The following KCTD8 variants were observed in gnomAD, a reference collection of about 807,000 sequenced individuals.
KCTD8 encodes BTB/POZ domain-containing protein KCTD8.
In KCTD8, 27 loss-of-function variants were observed where a neutral mutation model predicts 31.5. The observed-to-expected ratio is 0.86, with a 90% CI of 0.63 to 1.18. The LOEUF (loss-of-function observed/expected upper bound fraction) is 1.18. Among genes scored for constraint, KCTD8 ranks in the 50% most tolerant of loss-of-function variants. The pLI is 0.00. For missense variants in KCTD8, 658 were observed against 647.7 expected, an observed-to-expected ratio of 1.02 and a Z score of -0.17; for synonymous variants, 290 against 280.0, an observed-to-expected ratio of 1.04 and a Z score of -0.36.
intron 1 of KCTD8, among the ~76,000 whole-genome samples, chr4:44,407,623 T>G (rs1321708648): frequency 6.6e-6 from 1 of 152,092 alleles, no homozygotes; most frequent in East Asian, 1.9e-4. Context: ...CGACCTCAGA[T>G]GATCCACCCG....
intron 1 of KCTD8, among the ~76,000 whole-genome samples, chr4:44,218,771 TA>T (rs1207184813): frequency 6.6e-6 from 1 of 152,074 alleles, no homozygotes; most frequent in Non-Finnish European, 1.5e-5. Context: ...AGCCTAGTTA[TA>T]CAAGAATTAG....
At chr4:44,209,035 T>C (rs1399723416) in intron 1 of KCTD8, among the ~76,000 whole-genome samples, 1 of 152,158 alleles carries the variant, frequency 6.6e-6, no homozygotes, top group Non-Finnish European at 1.5e-5. Context: ...AGAAATGTTA[T>C]GTATTTCTGT....
intron 1 of KCTD8, among the ~76,000 whole-genome samples, chr4:44,229,683 C>T (rs1026510989): frequency 6.6e-6 from 1 of 151,780 alleles, no homozygotes; most frequent in Non-Finnish European, 1.5e-5. Flanking sequence ...TTCCTGTTCT[C>T]TTGTTCTAAA....
intron 1 of KCTD8, among the ~76,000 whole-genome samples, chr4:44,330,136 G>T (rs1018758017): frequency 6.6e-6 from 1 of 151,688 alleles, no homozygotes; most frequent in Non-Finnish European, 1.5e-5. Context: ...CACATTTCAG[G>T]TTAGATACGT....
At chr4:44,377,462 C>T (rs1004269898) in intron 1 of KCTD8, among the ~76,000 whole-genome samples, 2 of 152,172 alleles carry the variant, frequency 1.3e-5, no homozygotes, top group Non-Finnish European at 2.9e-5. Flanking sequence ...AAGGCCATTT[C>T]TGGGGGGTAG....
At chr4:44,318,090 A>G (rs1232643327) in intron 1 of KCTD8, among the ~76,000 whole-genome samples, 2 of 152,176 alleles carry the variant, frequency 1.3e-5, no homozygotes, top group Admixed American at 1.3e-4. Flanking sequence ...ATCTGGTATC[A>G]TTTGCTCCAA....
At position 44,448,568 on chromosome 4, in the gene KCTD8, C is replaced by G. The variant is rs767232479; in HGVS notation, c.-45G>C. 2.9e-6 allele frequency: 4 copies of G among 1,399,958 alleles called. No homozygotes were observed. In the East Asian group the frequency reaches 8.2e-5, roughly 29 times the overall value. The allele number at this position is 1,399,958 out of a possible 1,614,324, so 86.7% of individuals were successfully genotyped here. ...CAGTGACCCGAGAGAGCTGCACTTT[C>G]TCGTTCCCGGAGCCCGCGCCCCAGC... On this transcript the variant is annotated 5_prime_UTR_variant, in exon 1 of 2. Coordinates refer to ENST00000360029, the MANE Select transcript of KCTD8 (RefSeq NM_198353.3). This position sits in a 1 kb window ranked among gnomAD's most constrained non-coding sequence, Gnocchi z 4.1.
At chr4:44,393,972 T>A (rs1720436361) in intron 1 of KCTD8, among the ~76,000 whole-genome samples, 1 of 151,994 alleles carries the variant, frequency 6.6e-6, no homozygotes, top group Non-Finnish European at 1.5e-5. Context: ...AATTTGATAA[T>A]CTATGCATTT....
Position 44,284,655 on chromosome 4 carries a change from A to C in KCTD8, c.962-109405T>G, listed in dbSNP as rs192161293. ...TTAAACTAAAGAGCTTCTGCACAGC[A>C]AAAGAAACTATCATCAGAGTGAACA... On this transcript the variant is annotated intron_variant, in intron 1 of 1. Transcript: ENST00000360029. Among the ~76,000 whole-genome samples, 35 of 152,354 alleles carry C rather than the reference A, an allele frequency of 2.3e-4. 2 individuals are homozygous for C. In the East Asian group the frequency reaches 6.4e-3, roughly 28 times the overall value.
At chr4:44,231,542 A>T (rs1008149035) in intron 1 of KCTD8, among the ~76,000 whole-genome samples, 3 of 152,184 alleles carry the variant, frequency 2.0e-5, no homozygotes, top group Admixed American at 1.3e-4. Context: ...ATGATTATGA[A>T]TATTCACCTA....
At chr4:44,191,725 C>T (rs1713770873) in intron 1 of KCTD8, among the ~76,000 whole-genome samples, 3 of 152,124 alleles carry the variant, frequency 2.0e-5, no homozygotes, top group South Asian at 4.1e-4. Flanking sequence ...GAGTTCTCTG[C>T]TCTTGAACCC....
intron 1 of KCTD8, among the ~76,000 whole-genome samples, chr4:44,197,908 GA>G (rs1417104974): frequency 6.6e-6 from 1 of 152,108 alleles, no homozygotes; most frequent in African/African-American, 2.4e-5. Flanking sequence ...AAGGAATCCA[GA>G]AAAATAATCC....
chr4:44,446,722 C>T (rs537540612), intron 1 of KCTD8, among the ~76,000 whole-genome samples: 2 of 152,198 alleles, frequency 1.3e-5, no homozygotes, highest in South Asian at 4.1e-4. Flanking sequence ...ACTCAACCCC[C>T]GCTTTCGCGC....
In KCTD8 at chr4:44,219,934, T is replaced by C. The variant is rs190879324; in HGVS notation, c.962-44684A>G. Among the ~76,000 whole-genome samples, 7 of 152,346 alleles carry C rather than the reference T, an allele frequency of 4.6e-5. No individual in the cohort carries two copies. In the East Asian group the frequency reaches 9.6e-4, roughly 21 times the overall value. ...CTGTAAGCTTCAGGCAATACTAACG[T>C]ATAATTTATGAATATAAAAATGTTG... On this transcript the variant is annotated intron_variant, in intron 1 of 1. Coordinates refer to ENST00000360029, the MANE Select transcript of KCTD8 (RefSeq NM_198353.3).
At chr4:44,209,176 A>G (rs1447320110) in intron 1 of KCTD8, among the ~76,000 whole-genome samples, 1 of 152,074 alleles carries the variant, frequency 6.6e-6, no homozygotes, top group Non-Finnish European at 1.5e-5. Context: ...AGGGATTTTT[A>G]TTATGCACAA....
chr4:44,283,661 C>T (rs1716967122), intron 1 of KCTD8, among the ~76,000 whole-genome samples: 2 of 151,970 alleles, frequency 1.3e-5, no homozygotes, highest in South Asian at 4.1e-4. Flanking sequence ...TTGAGACCTA[C>T]TACATAGAAA....
At chr4:44,202,576 T>C (rs903041889) in intron 1 of KCTD8, among the ~76,000 whole-genome samples, 25 of 151,900 alleles carry the variant, frequency 1.6e-4, no homozygotes, top group Admixed American at 1.6e-3. Flanking sequence ...GAGCTAAACA[T>C]TGAATACATA....
intron 1 of KCTD8, among the ~76,000 whole-genome samples, chr4:44,213,006 C>T (rs536868271): frequency 2.0e-4 from 30 of 152,152 alleles, no homozygotes; most frequent in African/African-American, 7.0e-4. Context: ...GGCATGATCT[C>T]AGCTCTCTGC....
intron 1 of KCTD8, among the ~76,000 whole-genome samples, chr4:44,386,261 G>A (rs1043936081): frequency 1.3e-5 from 2 of 151,440 alleles, no homozygotes; most frequent in South Asian, 2.1e-4. Flanking sequence ...GTTTAGAGAC[G>A]CCATATTCAC....
Sources: allele counts gnomAD v4.1 joint callset (sites outside exome capture counted in the v4.1 genomes callset), GRCh38; gene constraint gnomAD v4.1.1; non-coding constraint Gnocchi (gnomAD v3.1); transcripts MANE v1.5; gene names NCBI Gene and HGNC (gene_info 2026-07-23, HGNC 2026-07-21).